The following TRMO variants were observed in gnomAD, a reference collection of about 807,000 sequenced individuals.
TRMO encodes tRNA (adenine(37)-N6)-methyltransferase.
In TRMO, 30 loss-of-function variants were observed where a neutral mutation model predicts 37.2. The observed-to-expected ratio is 0.81, with a 90% CI of 0.60 to 1.09. The LOEUF (loss-of-function observed/expected upper bound fraction) is 1.09. Ranked by LOEUF, TRMO falls within the 50% of genes least tolerant of loss-of-function variation. The pLI is 0.00. For missense variants in TRMO, 552 were observed against 549.5 expected (o/e 1.00, Z -0.05); for synonymous variants, 239 against 199.4 (o/e 1.20, Z -1.67).
At chr9:97,905,138 T>G in intron 4 of TRMO, 146 bp from the exon 5 acceptor site, 2 of 892,382 alleles carry the variant, frequency 2.2e-6, no homozygotes, top group Non-Finnish European at 3.4e-6. Context: ...TTACGGAGAC[T>G]GTCACCGTCA....
intron 4 of TRMO, among the ~76,000 whole-genome samples, chr9:97,907,286 G>A (rs536391379): frequency 6.6e-6 from 1 of 152,318 alleles, no homozygotes; most frequent in African/African-American, 2.4e-5. Flanking sequence ...CCCAGAGGAA[G>A]GGGTGGCTTT....
chr9:97,901,209 G>A (rs1364523757), downstream of TRMO, among the ~76,000 whole-genome samples: 1 of 151,934 alleles, frequency 6.6e-6, no homozygotes, highest in South Asian at 2.1e-4. Context: ...AAAAAGCAAA[G>A]GCTAAAAATT....
intron 4 of TRMO, among the ~76,000 whole-genome samples, chr9:97,905,362 G>C (rs1438064636): frequency 6.6e-6 from 1 of 152,062 alleles, no homozygotes; most frequent in Non-Finnish European, 1.5e-5. Context: ...TCAGAACAGA[G>C]ACAAGGAAAT....
chr9:97,900,785 A>G, downstream of TRMO: 1 of 967,224 alleles, frequency 1.0e-6, no homozygotes, highest in Non-Finnish European at 1.2e-6. Context: ...GGACTGTAGC[A>G]TTTTAAAAAC....
At chr9:97,917,789 G>A (rs967779502) in intron 1 of TRMO, among the ~76,000 whole-genome samples, 1 of 150,762 alleles carries the variant, frequency 6.6e-6, no homozygotes, top group African/African-American at 2.4e-5. Context: ...AGCGACTCTC[G>A]TGCCTCAGTC....
Position 97,910,063 on chromosome 9 carries a change from G to A in TRMO, c.963C>T (p.Pro321=), listed in dbSNP as rs1328624419. 1 of 1,613,370 alleles carries A rather than the reference G, an allele frequency of 6.2e-7. No individual in the cohort carries two copies. The highest frequency in any genetic ancestry group is 2.2e-5 in the East Asian group (1 of 44,866). The change falls in exon 4 of 5, where the codon CCC becomes CCT. Residue 321 remains proline (P), a synonymous_variant. Transcript: ENST00000375119. ...HCPAGRADGA[P]RSVVPAWVTE... ...TCACCCAGGCAGGAACCACGCTGCGGGGAGCTCCATCAGCCCTTCCAGCAG... is the reference window on the plus strand; with the variant it reads ...TCACCCAGGCAGGAACCACGCTGCGAGGAGCTCCATCAGCCCTTCCAGCAG...
At chr9:97,903,997 G>C (rs1203011480), downstream of TRMO, among the ~76,000 whole-genome samples, 1 of 152,092 alleles carries the variant, frequency 6.6e-6, no homozygotes, top group African/African-American at 2.4e-5. Context: ...CAGGAGAATT[G>C]CTCGAACCTG....
At chr9:97,908,269 G>C (rs1434565677) in intron 4 of TRMO, among the ~76,000 whole-genome samples, 2 of 152,078 alleles carry the variant, frequency 1.3e-5, no homozygotes, top group Non-Finnish European at 2.9e-5. Context: ...AAAATTAGCT[G>C]GGTGTGGTGG....
In TRMO at chr9:97,904,600, T is replaced by C. The variant is rs1197221763; in HGVS notation, c.*133A>G. On this transcript the variant is annotated 3_prime_UTR_variant, in exon 5 of 5. Transcript: ENST00000375119. ...GTATACGTTTTTCAAATAAACATTT[T>C]GAACAGCCCAAATCAATCAAAGCCA... The C allele has an allele frequency of 1.3e-6, 2 of 1,499,230 alleles. No individual in the cohort carries two copies. The highest frequency in any genetic ancestry group is 2.8e-5 in the South Asian group (2 of 72,054). 92.9% of individuals were successfully genotyped at this position (1,499,230 alleles called of 1,614,324 possible).
chr9:97,911,355 T>C (rs1385645487), intron 3 of TRMO: 1 of 153,754 alleles, frequency 6.5e-6, no homozygotes, highest in African/African-American at 2.4e-5. Context: ...AAACAGCCTT[T>C]AGACACTGAG....
chr9:97,910,572 G>A lies in TRMO; in HGVS notation c.454C>T (p.Pro152Ser), dbSNP rs1162243675. The A allele has an allele frequency of 6.2e-7, 1 of 1,613,746 alleles. No individual in the cohort carries two copies. The highest frequency in any genetic ancestry group is 8.5e-7 in the Non-Finnish European group (1 of 1,179,774). ...ATGTAGGGCTTGATGTCTAGTACGG[G>A]TGTGCCATGTATCATGTCAATTCCA... is the stretch of plus-strand genomic sequence containing the variant. ...LSGIDMIHGT[P>S]VLDIKPYIAE... Residue 152 changes from proline to serine, a missense_variant, in exon 4 of 5, where the codon CCC becomes TCC. Coordinates refer to ENST00000375119, the MANE Select transcript of TRMO (RefSeq NM_016481.5).
Position 97,913,451 on chromosome 9 carries a change from T to A in TRMO, c.359A>T (p.His120Leu). ...KTGVFSTRSP[H>L]RPNAIGLTLA... ...GGTCAGTCCTATTGCATTGGGACGA[T>A]GAGGGCTCCTTGTGGAAAAAACTCC... The change falls in exon 3 of 5, where the codon CAT (histidine) becomes CTT (leucine). Residue 120 changes from histidine (H) to leucine (L), a missense_variant. Physicochemically the swap from His to Leu is moderately conservative, Grantham distance 99. Coordinates refer to ENST00000375119, the MANE Select transcript of TRMO (RefSeq NM_016481.5). 1 of 1,614,000 alleles carries A rather than the reference T, an allele frequency of 6.2e-7. No homozygotes were observed. The highest frequency in any genetic ancestry group is 2.2e-5 in the East Asian group (1 of 44,856).
At chr9:97,921,493 G>C (rs1210986366) in intron 1 of TRMO, among the ~76,000 whole-genome samples, 3 of 150,126 alleles carry the variant, frequency 2.0e-5, no homozygotes, top group Non-Finnish European at 2.9e-5. Context: ...GCGCGATCTC[G>C]GCTCACTGCA....
At chr9:97,904,482 G>A, downstream of TRMO, 1 of 1,270,970 alleles carries the variant, frequency 7.9e-7, no homozygotes, top group Non-Finnish European at 9.9e-7. Context: ...AAATTATCGA[G>A]ACAGCATCAC....
chr9:97,901,612 A>AC (rs1193637956), downstream of TRMO, among the ~76,000 whole-genome samples: 3 of 152,168 alleles, frequency 2.0e-5, no homozygotes, highest in Non-Finnish European at 4.4e-5. Flanking sequence ...TCAATTCCGG[A>AC]CATAAAATCA....
intron 1 of TRMO, 51 bp downstream of exon 1, chr9:97,922,367 G>A (rs532293548): frequency 5.9e-5 from 76 of 1,294,060 alleles, no homozygotes; most frequent in African/African-American, 8.7e-5. Context: ...GAAGTCCGCT[G>A]CCTGGGCCTA....
At chr9:97,920,356 G>A (rs779335901) in intron 1 of TRMO, among the ~76,000 whole-genome samples, 13 of 152,154 alleles carry the variant, frequency 8.5e-5, no homozygotes, top group Non-Finnish European at 1.6e-4. Context: ...TTCCTCAAAG[G>A]AGCATGAGAG....
chr9:97,907,457 C>T (rs1561959), intron 4 of TRMO, among the ~76,000 whole-genome samples: 9 of 151,980 alleles, frequency 5.9e-5, no homozygotes, highest in Non-Finnish European at 1.0e-4. Context: ...CCAAATACCC[C>T]CCTAGCCTCT....
rs1428926901 is a variant in TRMO at position 97,905,002 on chromosome 9, A to C, written c.1067-10T>G. 3 of 1,610,070 alleles carry C rather than the reference A, an allele frequency of 1.9e-6. No individual in the cohort carries two copies. The African/African-American group carries it at 4.0e-5, about 22-fold the overall frequency. On this transcript the variant is annotated splice_polypyrimidine_tract_variant and intron_variant, in intron 4 of 4. Transcript: ENST00000375119. ...GACGCCTGACCAACATCTGCAATGA[A>C]AAAAACACAACTTAATGAGCACTAT...
Sources: gnomAD v4.1 joint callset for allele counts (sites outside exome capture counted in the v4.1 genomes callset) on GRCh38, gnomAD v4.1.1 for gene constraint, MANE v1.5 for transcripts, NCBI Gene and HGNC (gene_info 2026-07-23, HGNC 2026-07-21) for gene names.